The following TMEM63C variants were observed in gnomAD, a reference collection of about 807,000 sequenced individuals.
TMEM63C encodes transmembrane protein 63C, also known as osmosensitive cation channel TMEM63C.
In TMEM63C, 32 loss-of-function variants were observed where a neutral mutation model predicts 99.2. The observed-to-expected ratio is 0.32, with a 90% confidence interval of 0.24 to 0.43. The LOEUF is 0.43. Ranked by LOEUF, TMEM63C falls within the 20% of genes least tolerant of loss-of-function variation. TMEM63C has a pLI of 1.00. For missense variants in TMEM63C, 826 were observed against 1,053.0 expected (o/e 0.78, Z 2.98); for synonymous variants, 376 against 397.9 (o/e 0.94, Z 0.66).
intron 1 of TMEM63C, among the ~76,000 whole-genome samples, chr14:77,190,245 C>A (rs960242477): frequency 1.3e-5 from 2 of 151,608 alleles, no homozygotes; most frequent in Admixed American, 1.3e-4. Context: ...GTAGAAAGTC[C>A]CAACAGACCA....
chr14:77,216,845 TTCACCCCTCCTGC>T (rs1480452375), intron 2 of TMEM63C, among the ~76,000 whole-genome samples: 1 of 152,128 alleles, frequency 6.6e-6, no homozygotes, highest in Non-Finnish European at 1.5e-5. Flanking sequence ...TCTCCACTTG[TTCACCCCTCCTGC>T]TCCCCCACCT....
In TMEM63C at chr14:77,218,826, C is replaced by A; in HGVS notation, c.13C>A (p.Pro5Thr). 6.2e-7 allele frequency: 1 copy of A among 1,613,516 alleles called. No homozygotes were observed. The highest frequency in any genetic ancestry group is 1.3e-5 in the African/African-American group (1 of 75,068). The change falls in exon 3 of 24, where the codon CCA becomes ACA. Residue 5 changes from proline (P) to threonine (T), a missense_variant. By Grantham distance (38) the Pro-to-Thr change is conservative (BLOSUM62 -1). Coordinates refer to ENST00000298351, the MANE Select transcript of TMEM63C (RefSeq NM_020431.4). Reference sequence around the variant, plus strand: ...GGATCCTCCCAGGATGTCTGCCTCACCAGACGACCTGAGTACAGGGGGAAG... The same window carrying A: ...GGATCCTCCCAGGATGTCTGCCTCAACAGACGACCTGAGTACAGGGGGAAG... MSAS[P>T]DDLSTGGRLQ...
chr14:77,235,038 G>A (rs192807504), intron 8 of TMEM63C, among the ~76,000 whole-genome samples: 1 of 152,286 alleles, frequency 6.6e-6, no homozygotes, highest in Non-Finnish European at 1.5e-5. Context: ...CTTTCCCTAT[G>A]AGTGAAGTGA....
At chr14:77,232,760 T>A (rs187803622) in intron 7 of TMEM63C, among the ~76,000 whole-genome samples, 1 of 152,362 alleles carries the variant, frequency 6.6e-6, no homozygotes, top group Non-Finnish European at 1.5e-5. Flanking sequence ...TGAAGCTGAA[T>A]GGAGCTGTAT....
intron 8 of TMEM63C, 47 bp downstream of exon 8, chr14:77,233,547 G>T: frequency 6.3e-7 from 1 of 1,597,390 alleles, no homozygotes; most frequent in Non-Finnish European, 8.6e-7. Context: ...GGGGGTGTTG[G>T]TGTGGAGAGG....
At chr14:77,228,402 G>A (rs1888872070) in intron 6 of TMEM63C, among the ~76,000 whole-genome samples, 1 of 151,992 alleles carries the variant, frequency 6.6e-6, no homozygotes. Flanking sequence ...TTCCACTTCT[G>A]GCATTTCATT....
chr14:77,253,327 C>A lies in TMEM63C; in HGVS notation c.2171C>A (p.Thr724Lys). ...CAGCCCGAGGAGGAGGAGATCCAGA[C>A]AGTGTTTGACATGGAGCCAAGCAGC... The part of the protein sequence containing the change: ...DYEPEEEEIQ[T>K]VFDMEPSSTS... The change falls in exon 23 of 24, where the codon ACA (threonine) becomes AAA (lysine). Residue 724 changes from threonine (T) to lysine (K), a missense_variant. Thr to Lys is a moderately conservative substitution (Grantham distance 78). Coordinates refer to ENST00000298351, the MANE Select transcript of TMEM63C (RefSeq NM_020431.4). 2 of 1,613,200 alleles carry A rather than the reference C, an allele frequency of 1.2e-6. No individual in the cohort carries two copies. The highest frequency in any genetic ancestry group is 1.7e-6 in the Non-Finnish European group (2 of 1,179,706).
At chr14:77,238,607 C>T (rs1889103438) in intron 9 of TMEM63C, 87 bp from the exon 10 acceptor site, 3 of 1,066,556 alleles carry the variant, frequency 2.8e-6, no homozygotes, top group East Asian at 4.9e-5. Context: ...GAGCAGAAGG[C>T]CTGCTCTGAG....
At chr14:77,224,574 C>T (rs1888783960) in intron 5 of TMEM63C, among the ~76,000 whole-genome samples, 1 of 152,122 alleles carries the variant, frequency 6.6e-6, no homozygotes, top group Non-Finnish European at 1.5e-5. Context: ...AGCCCCCTCT[C>T]TTACACACCG....
chr14:77,186,805 G>GTGTGTGTGTGTC lies in TMEM63C; in HGVS notation c.-77+4922_-77+4923insCTGTGTGTGTGT, dbSNP rs1267875469. 1.4e-3 allele frequency among the ~76,000 whole-genome samples: 205 copies of GTGTGTGTGTGTC among 150,706 alleles called. 1 individual carries two copies. Among genetic ancestry groups the GTGTGTGTGTGTC allele is most frequent in the African/African-American group, 4.9e-3 (198 of 40,620 alleles). On this transcript the variant is annotated intron_variant, in intron 1 of 23. Coordinates refer to ENST00000298351, the MANE Select transcript of TMEM63C (RefSeq NM_020431.4). ...TGTGTGTGTGTGTGTGTGTGTCTGT[G>GTGTGTGTGTGTC]TGTGTGTGTGTGTGTCTGTGTGTGT...
intron 1 of TMEM63C, among the ~76,000 whole-genome samples, chr14:77,187,386 C>T (rs1006342840): frequency 6.6e-6 from 1 of 152,242 alleles, no homozygotes; most frequent in South Asian, 2.1e-4. Flanking sequence ...TGCTGAAGGA[C>T]ATCTCGAGTC....
At chr14:77,246,846 A>T (rs576186264) in intron 18 of TMEM63C, among the ~76,000 whole-genome samples, 172 bp downstream of exon 18, 9 of 152,292 alleles carry the variant, frequency 5.9e-5, no homozygotes, top group Non-Finnish European at 2.9e-5. Context: ...TCCCTTTGGC[A>T]ATCTAGTTAA....
At chr14:77,216,406 A>G (rs1350661241) in intron 2 of TMEM63C, among the ~76,000 whole-genome samples, 1 of 152,160 alleles carries the variant, frequency 6.6e-6, no homozygotes, top group Non-Finnish European at 1.5e-5. Context: ...TTTGCCTCGA[A>G]GAGTTGTCGC....
intron 1 of TMEM63C, among the ~76,000 whole-genome samples, chr14:77,188,443 A>G (rs1244697871): frequency 1.3e-5 from 2 of 152,270 alleles, no homozygotes; most frequent in Admixed American, 1.3e-4. Flanking sequence ...CAAGAATGCT[A>G]GTAAAGCCAA....
intron 1 of TMEM63C, among the ~76,000 whole-genome samples, chr14:77,206,458 T>C (rs1888404130): frequency 6.6e-6 from 1 of 152,256 alleles, no homozygotes; most frequent in South Asian, 2.1e-4. Flanking sequence ...TGGTGGCCAC[T>C]TTGGCTTCGA....
chr14:77,240,626 GC>G lies in TMEM63C; in HGVS notation c.1064+22del. ...GCCAAGCGGTGAGCACCAGGCAGGC[GC>G]CCCACCCAGCCCCAAGCATACTCCT... On this transcript the variant is annotated intron_variant, in intron 13 of 23. Transcript: ENST00000298351. 1.2e-6 allele frequency: 2 copies of G among 1,603,608 alleles called. No homozygotes were observed.
At position 77,257,880 on chromosome 14, in the gene TMEM63C, C is replaced by T. The variant is rs111235648; in HGVS notation, c.*1154C>T. The T allele has an allele frequency of 1.3e-5, 2 of 152,282 alleles. No individual in the cohort carries two copies. Among genetic ancestry groups the T allele is most frequent in the African/African-American group, 2.4e-5 (1 of 41,442 alleles). The allele number at this position is 152,282 out of a possible 1,614,324, so 9.4% of individuals were successfully genotyped here. A position where few individuals can be genotyped will look rare whatever the true frequency, so the allele number is the denominator to read the frequency against. Reference sequence around the variant, plus strand: ...GTCCAGACATTGCAGATGCTTCAACCGTGATGTCGCCCCAGGCCTGCCAGG... The same window carrying T: ...GTCCAGACATTGCAGATGCTTCAACTGTGATGTCGCCCCAGGCCTGCCAGG... On this transcript the variant is annotated 3_prime_UTR_variant, in exon 24 of 24. Coordinates refer to ENST00000298351, the MANE Select transcript of TMEM63C (RefSeq NM_020431.4).
At chr14:77,239,260 G>A (rs996711321) in intron 10 of TMEM63C, among the ~76,000 whole-genome samples, 152 bp from the exon 11 acceptor site, 15 of 152,234 alleles carry the variant, frequency 9.9e-5, no homozygotes, top group Non-Finnish European at 1.5e-4. Context: ...AAACCCTGAG[G>A]TTCAGCTTTA....
At chr14:77,209,438 G>T (rs535931325) in intron 1 of TMEM63C, among the ~76,000 whole-genome samples, 2 of 152,268 alleles carry the variant, frequency 1.3e-5, no homozygotes, top group East Asian at 3.9e-4. Flanking sequence ...TGGGTAAAGG[G>T]CCTTCTGTCT....
Sources: gnomAD v4.1 joint callset for allele counts (sites outside exome capture counted in the v4.1 genomes callset) on GRCh38, gnomAD v4.1.1 for gene constraint, MANE v1.5 for transcripts, NCBI Gene and HGNC (gene_info 2026-07-23, HGNC 2026-07-21) for gene names.